LRRK2: variants seen among roughly 807,000 people sequenced by gnomAD.
The protein encoded by LRRK2 is leucine rich repeat kinase 2, also known as leucine-rich repeat serine/threonine-protein kinase 2.
LRRK2 carries 203 observed loss-of-function variants against 302.6 expected under a neutral mutation model. The observed-to-expected ratio is 0.67, with a 90% CI of 0.60 to 0.75. The LOEUF (loss-of-function observed/expected upper bound fraction) is 0.75, where lower values mean the gene tolerates loss of function less well. Among genes scored for constraint, LRRK2 ranks in the 30% least tolerant of loss-of-function variants. LRRK2 has a pLI of 0.00. For synonymous variants in LRRK2, 1,066 were observed against 1,031.9 expected (o/e 1.03, Z -0.63); for missense variants, 2,830 against 2,951.0 (o/e 0.96, Z 0.95).
chr12:40,298,459 G>A lies in LRRK2; in HGVS notation c.3313G>A (p.Val1105Met), dbSNP rs200513005. ...TTTTGTACCTGAGAACCTCACTGAT[G>A]TGGTAGAGAAACTGGAGCAGCTCAT... is the stretch of plus-strand genomic sequence containing the variant. ...LSFVPENLTD[V>M]VEKLEQLILE... The change falls in exon 24 of 51, where the codon GTG becomes ATG. Residue 1105 changes from valine (V) to methionine (M), a missense_variant. By Grantham distance (21) the Val-to-Met change is conservative. This residue lies in a region of LRRK2 where 2,121 missense variants were observed against 2,148.0 expected (regional missense o/e 0.99). Coordinates refer to ENST00000298910, the MANE Select transcript of LRRK2 (RefSeq NM_198578.4). 1 of 1,613,910 alleles carries A rather than the reference G, an allele frequency of 6.2e-7. No homozygotes were observed. The highest frequency in any genetic ancestry group is 2.2e-5 in the East Asian group (1 of 44,824).
chr12:40,346,368 G>A (rs1946191160), intron 41 of LRRK2, among the ~76,000 whole-genome samples: 1 of 152,062 alleles, frequency 6.6e-6, no homozygotes. Flanking sequence ...ACACTGTCCT[G>A]GAAATAGTTA....
intron 25 of LRRK2, among the ~76,000 whole-genome samples, chr12:40,299,593 T>C (rs1378521428): frequency 6.6e-6 from 1 of 151,928 alleles, no homozygotes; most frequent in Non-Finnish European, 1.5e-5. Context: ...GAGGGAGAGA[T>C]GAATAGATAA....
rs1307515702 is a variant in LRRK2, at chr12:40,322,360, C to T, written c.5359C>T (p.Leu1787Phe). The T allele has an allele frequency of 6.2e-7, 1 of 1,613,598 alleles. No homozygotes were observed. The highest frequency in any genetic ancestry group is 2.2e-5 in the East Asian group (1 of 44,846). ...CCAAGTTGTGGACCACATTGATTCT[C>T]TCATGGAAGAATGGTTTCCTGGGTT... is the stretch of plus-strand genomic sequence containing the variant. Reference protein sequence around the residue: ...LGQVVDHIDSLMEEWFPGLLE... With the variant: ...LGQVVDHIDSFMEEWFPGLLE... The change falls in exon 37 of 51, where the codon CTC (leucine) becomes TTC (phenylalanine). Residue 1787 changes from leucine to phenylalanine, a missense_variant. By Grantham distance (22) the Leu-to-Phe change is conservative. Coordinates refer to ENST00000298910, the MANE Select transcript of LRRK2 (RefSeq NM_198578.4).
intron 21 of LRRK2, among the ~76,000 whole-genome samples, chr12:40,294,410 T>A (rs1339238190): frequency 6.6e-6 from 1 of 152,028 alleles, no homozygotes; most frequent in Non-Finnish European, 1.5e-5. Flanking sequence ...TATAGCTGAG[T>A]ACTAAAAATA....
chr12:40,359,514 A>G, intron 47 of LRRK2, 70 bp downstream of exon 47: 1 of 1,168,040 alleles, frequency 8.6e-7, no homozygotes, highest in Non-Finnish European at 1.3e-6. Flanking sequence ...ATCATTAATA[A>G]TACTGTTGAT....
Position 40,259,568 on chromosome 12 carries a change from G to A in LRRK2, c.1507G>A (p.Glu503Lys). The change falls in exon 13 of 51, where the codon GAG (glutamate) becomes AAG (lysine). Residue 503 changes from glutamate to lysine, a missense_variant. This residue lies in a region of LRRK2 where 2,121 missense variants were observed against 2,148.0 expected (regional missense o/e 0.99). Coordinates refer to ENST00000298910, the MANE Select transcript of LRRK2 (RefSeq NM_198578.4). The part of the protein sequence containing the change: ...RHETSLPVQL[E>K]ALRAILHFIV... The stretch of plus-strand genomic sequence containing the variant: ...TGAGACATCATTACCAGTGCAGCTG[G>A]AGGCGCTTCGAGCTATTTTACATTT... 6.2e-7 allele frequency: 1 copy of A among 1,613,340 alleles called. No individual in the cohort carries two copies. The highest frequency in any genetic ancestry group is 2.2e-5 in the East Asian group (1 of 44,854).
intron 43 of LRRK2, among the ~76,000 whole-genome samples, chr12:40,348,984 G>A (rs1946275573): frequency 6.6e-6 from 1 of 151,420 alleles, no homozygotes; most frequent in Admixed American, 6.6e-5. Context: ...TTCCTATTTG[G>A]TCCTGTTGTA....
chr12:40,301,969 G>A (rs958168127), intron 25 of LRRK2, among the ~76,000 whole-genome samples: 2 of 152,124 alleles, frequency 1.3e-5, no homozygotes, highest in Non-Finnish European at 2.9e-5. Context: ...ACAAGGTCAG[G>A]AGATGGAGAC....
chr12:40,252,842 T>C, intron 10 of LRRK2, 68 bp from the exon 11 acceptor site: 1 of 1,009,764 alleles, frequency 9.9e-7, no homozygotes, highest in Non-Finnish European at 1.6e-6. Flanking sequence ...TATTTGATAA[T>C]GGCAAGTGAG....
intron 47 of LRRK2, among the ~76,000 whole-genome samples, chr12:40,362,603 T>G (rs1056233648): frequency 6.6e-6 from 1 of 152,146 alleles, no homozygotes; most frequent in African/African-American, 2.4e-5. Flanking sequence ...AATATGACAG[T>G]GACACCAGTG....
intron 44 of LRRK2, among the ~76,000 whole-genome samples, chr12:40,353,445 C>T (rs1411353428): frequency 6.6e-6 from 1 of 151,110 alleles, no homozygotes; most frequent in Non-Finnish European, 1.5e-5. Flanking sequence ...CAGAGCCGCT[C>T]ATCACTTCCT....
chr12:40,322,509 A>C lies in LRRK2; in HGVS notation c.5508A>C (p.Glu1836Asp). Residue 1836 changes from glutamate (E) to aspartate (D), a missense_variant and splice_region_variant, in exon 37 of 51, where the codon GAA (glutamate) becomes GAC (aspartate). By Grantham distance (45) the Glu-to-Asp change is conservative. This residue lies in a region of LRRK2 where 2,121 missense variants were observed against 2,148.0 expected (regional missense o/e 0.99). Transcript: ENST00000298910. ...ATGACTTGATGAAGAAAGCAGAGGA[A>C]GGTATGTTTTGATACAACTTACAAA... ...LLDDLMKKAE[E>D]GDLLVNPDQP... 6.2e-7 allele frequency: 1 copy of C among 1,612,554 alleles called. No homozygotes were observed. The highest frequency in any genetic ancestry group is 1.1e-5 in the South Asian group (1 of 90,892).
At chr12:40,257,894 T>G (rs1311225620) in intron 12 of LRRK2, among the ~76,000 whole-genome samples, 1 of 151,962 alleles carries the variant, frequency 6.6e-6, no homozygotes, top group Non-Finnish European at 1.5e-5. Context: ...GACCATATCC[T>G]TTGATCTATG....
intron 31 of LRRK2, 129 bp downstream of exon 31, chr12:40,310,778 T>C (rs1945012487): frequency 1.2e-6 from 1 of 834,332 alleles, no homozygotes; most frequent in African/African-American, 1.7e-5. Flanking sequence ...GTTAGCATTA[T>C]TAAAGTCCTT....
chr12:40,261,534 G>A (rs969229982), intron 13 of LRRK2, among the ~76,000 whole-genome samples: 1 of 152,082 alleles, frequency 6.6e-6, no homozygotes, highest in African/African-American at 2.4e-5. Context: ...TCTTCTAGTA[G>A]GTAAAGGCTT....
intron 16 of LRRK2, 109 bp from the exon 17 acceptor site, chr12:40,277,779 A>T: frequency 1.9e-6 from 2 of 1,032,866 alleles, no homozygotes; most frequent in Non-Finnish European, 2.8e-6. Flanking sequence ...ATCTATAGTT[A>T]AATGAACATC....
intron 39 of LRRK2, among the ~76,000 whole-genome samples, chr12:40,333,990 G>A (rs932240276): frequency 6.6e-6 from 1 of 152,176 alleles, no homozygotes; most frequent in Non-Finnish European, 1.5e-5. Context: ...TGAGGCCGTG[G>A]AAGTAGATGG....
chr12:40,279,383 A>T (rs1006590172), intron 18 of LRRK2, among the ~76,000 whole-genome samples: 2 of 152,126 alleles, frequency 1.3e-5, no homozygotes, highest in African/African-American at 4.8e-5. Context: ...TACGTTTATG[A>T]ATTAAAATCA....
intron 33 of LRRK2, among the ~76,000 whole-genome samples, chr12:40,316,722 A>C (rs576370167): frequency 6.6e-6 from 1 of 152,214 alleles, no homozygotes; most frequent in African/African-American, 2.4e-5. Flanking sequence ...AAAGAATGTT[A>C]ATCAGGAAAT....
Sources: gnomAD v4.1 joint callset for allele counts (sites outside exome capture counted in the v4.1 genomes callset) on GRCh38, gnomAD v4.1.1 for gene constraint, gnomAD v4.1.1 regional missense constraint, MANE v1.5 for transcripts, NCBI Gene and HGNC (gene_info 2026-07-23, HGNC 2026-07-21) for gene names.